MIIP: variants seen among roughly 807,000 people sequenced by gnomAD.
The protein encoded by MIIP is migration and invasion inhibitory protein.
A neutral mutation model predicts 44.8 loss-of-function variants in MIIP; 44 were observed. The observed-to-expected ratio is 0.98, with a 90% CI of 0.77 to 1.26. The LOEUF is 1.26. Among genes scored for constraint, MIIP ranks in the 50% most tolerant of loss-of-function variants. The probability of loss-of-function intolerance (pLI) is 0.00; values close to 1 mark genes in which losing one functional copy is unlikely to be tolerated. For missense variants in MIIP, 496 were observed against 511.7 expected, an observed-to-expected ratio of 0.97 and a Z score of 0.30; for synonymous variants, 225 against 218.3, an observed-to-expected ratio of 1.03 and a Z score of -0.27.
intron 1 of MIIP, 71 bp from the exon 2 acceptor site, chr1:12,021,573 GA>G (rs1639976270): frequency 1.5e-6 from 1 of 645,768 alleles, no homozygotes; most frequent in Admixed American, 2.5e-5. Context: ...TACAGTTAAA[GA>G]GTGTCGAATG....
intron 4 of MIIP, among the ~76,000 whole-genome samples, chr1:12,023,381 CTTATTTAT>C (rs71568382): frequency 0.061 from 8,610 of 140,092 alleles, 301 homozygotes; most frequent in African/African-American, 0.1. Context: ...TCTTTGTTTT[CTTATTTAT>C]TTATTTATTT....
intron 3 of MIIP, 43 bp from the exon 4 acceptor site, chr1:12,022,790 G>T (rs759315222): frequency 6.8e-7 from 1 of 1,478,114 alleles, no homozygotes; most frequent in Non-Finnish European, 9.3e-7. Context: ...TCTGGGCCAG[G>T]CCTCTTGGCT....
At chr1:12,026,331 A>G (rs912573363) in intron 4 of MIIP, among the ~76,000 whole-genome samples, 4 of 152,252 alleles carry the variant, frequency 2.6e-5, no homozygotes, top group Non-Finnish European at 5.9e-5. Flanking sequence ...TGTACTGTGG[A>G]GTTGCTGAGA....
rs917421569 is a variant in MIIP at position 12,019,570 on chromosome 1, G to C, written c.-83+18G>C. 5.9e-5 allele frequency: 9 copies of C among 152,668 alleles called. No homozygotes were observed. The highest frequency in any genetic ancestry group is 1.9e-4 in the African/African-American group (8 of 41,484). The allele number at this position is 152,668 out of a possible 1,614,324, so 9.5% of individuals were successfully genotyped here. Reference sequence around the variant, plus strand: ...TCTGCCGGGTGAGTGCTGGGCGGCAGGACTGGGGTGGGGCGGAAGGGCTCG... The same window carrying C: ...TCTGCCGGGTGAGTGCTGGGCGGCACGACTGGGGTGGGGCGGAAGGGCTCG... On this transcript the variant is annotated intron_variant, in intron 1 of 9. Coordinates refer to ENST00000235332, the MANE Select transcript of MIIP (RefSeq NM_021933.4).
At position 12,029,823 on chromosome 1, in the gene MIIP, C is replaced by T. The variant is rs772426039; in HGVS notation, c.774C>T (p.Thr258=). Residue 258 remains threonine (T), a synonymous_variant, in exon 7 of 10, where the codon ACC becomes ACT. Coordinates refer to ENST00000235332, the MANE Select transcript of MIIP (RefSeq NM_021933.4). ...RLFPVPVDPG[T]PCRLCRTPRD... ...TCCCGGTGCCTGTGGATCCCGGTAC[C>T]CCCTGCCGCCTGTGCAGGACACCGC... 55 of 1,613,136 alleles carry T rather than the reference C, an allele frequency of 3.4e-5. No homozygotes were observed. Among genetic ancestry groups the T allele is most frequent in the Non-Finnish European group, 6.8e-6 (8 of 1,179,664 alleles).
rs1234981094 is a variant in MIIP at position 12,031,864 on chromosome 1, G to A, written c.*56G>A. ...CGCCGCCTCCAGCCTCTCCCCTCTG[G>A]CAGGCGCACCCAGGAGATGGAATCC... On this transcript the variant is annotated 3_prime_UTR_variant, in exon 10 of 10. Transcript: ENST00000235332. The A allele has an allele frequency of 6.5e-7, 1 of 1,544,448 alleles. No homozygotes were observed. Among genetic ancestry groups the A allele is most frequent in the Non-Finnish European group, 8.9e-7 (1 of 1,123,154 alleles).
chr1:12,019,957 G>T (rs908448617), intron 1 of MIIP, among the ~76,000 whole-genome samples: 1 of 152,174 alleles, frequency 6.6e-6, no homozygotes, highest in South Asian at 2.1e-4. Flanking sequence ...GCATCTCCGT[G>T]CCCCCCGGCC....
At chr1:12,029,507 A>T (rs1399103268) in intron 6 of MIIP, 1 of 686,628 alleles carries the variant, frequency 1.5e-6, no homozygotes, top group African/African-American at 1.8e-5. Context: ...GTGTGGCACC[A>T]TCCCACCCTC....
rs745592384 is a variant in MIIP, at chr1:12,022,262, T to C, written c.282T>C (p.Ser94=). 1 of 1,613,496 alleles carries C rather than the reference T, an allele frequency of 6.2e-7. No individual in the cohort carries two copies. The highest frequency in any genetic ancestry group is 8.5e-7 in the Non-Finnish European group (1 of 1,179,858). The change falls in exon 3 of 10, where the codon TCT becomes TCC. Residue 94 remains serine (S), a synonymous_variant. Coordinates refer to ENST00000235332, the MANE Select transcript of MIIP (RefSeq NM_021933.4). ...ATGTGGCCAGATCGGGGGTGGCCTC[T>C]CTCCCACCTGCCAAATGCCAGCACC... ...LRDVARSGVA[S]LPPAKCQHQE...
At position 12,031,818 on chromosome 1, in the gene MIIP, C is replaced by T; in HGVS notation, c.*10C>T. On this transcript the variant is annotated 3_prime_UTR_variant, in exon 10 of 10. Coordinates refer to ENST00000235332, the MANE Select transcript of MIIP (RefSeq NM_021933.4). The stretch of plus-strand genomic sequence containing the variant: ...ACGGCAGAAGCCCTGAGGACTGACT[C>T]CTGGGGGAGAACAGCATTCCCGCCG... 9 of 1,612,484 alleles carry T rather than the reference C, an allele frequency of 5.6e-6. No homozygotes were observed. The highest frequency in any genetic ancestry group is 2.2e-5 in the South Asian group (2 of 91,008).
intron 4 of MIIP, among the ~76,000 whole-genome samples, chr1:12,025,155 G>C (rs531414580): frequency 6.6e-6 from 1 of 151,238 alleles, no homozygotes; most frequent in East Asian, 2.0e-4. Context: ...CACCTCCCGG[G>C]TTCGAGTGGT....
At chr1:12,030,557 T>TA (rs1491274964) in intron 8 of MIIP, among the ~76,000 whole-genome samples, 3 of 21,750 alleles carry the variant, frequency 1.4e-4, no homozygotes, top group Non-Finnish European at 4.3e-4. Context: ...CTGCTGCTGC[T>TA]TTTTTTTTTT....
In MIIP at chr1:12,031,914, C is replaced by G; in HGVS notation, c.*106C>G. 8.3e-7 allele frequency: 1 copy of G among 1,208,590 alleles called. No homozygotes were observed. The allele number at this position is 1,208,590 out of a possible 1,614,324, so 74.9% of individuals were successfully genotyped here. ...CCCTGCCCGCCCAGCTCAGGCCCAGCTGTCCTAGGTTGGGCAGGTGGGTGG... is the reference window on the plus strand; with the variant it reads ...CCCTGCCCGCCCAGCTCAGGCCCAGGTGTCCTAGGTTGGGCAGGTGGGTGG... On this transcript the variant is annotated 3_prime_UTR_variant, in exon 10 of 10. Transcript: ENST00000235332.
intron 2 of MIIP, 119 bp downstream of exon 2, chr1:12,021,959 G>A: frequency 1.6e-6 from 2 of 1,244,168 alleles, no homozygotes; most frequent in South Asian, 1.4e-5. Context: ...GACATTGAGG[G>A]CTGGGGAGGG....
intron 3 of MIIP, among the ~76,000 whole-genome samples, 159 bp downstream of exon 3, chr1:12,022,601 GT>G (rs1159541130): frequency 1.3e-5 from 2 of 152,132 alleles, no homozygotes; most frequent in Non-Finnish European, 2.9e-5. Flanking sequence ...TGCTCGCTAG[GT>G]GGTAGCTGTG....
rs1640255150 is a variant in MIIP at position 12,031,983 on chromosome 1, T to G, written c.*175T>G. ...CCTGAGTTCCAGAGAGGGAGGACCCTGGGGTGGAGGGTGAGGGATTCTGTG... is the reference window on the plus strand; with the variant it reads ...CCTGAGTTCCAGAGAGGGAGGACCCGGGGGTGGAGGGTGAGGGATTCTGTG... On this transcript the variant is annotated 3_prime_UTR_variant, in exon 10 of 10. Transcript: ENST00000235332. 3.2e-6 allele frequency: 2 copies of G among 633,408 alleles called. No individual in the cohort carries two copies. Among genetic ancestry groups the G allele is most frequent in the South Asian group, 1.9e-5 (1 of 51,552 alleles). 39.2% of individuals were successfully genotyped at this position (633,408 alleles called of 1,614,324 possible). A position where few individuals can be genotyped will look rare whatever the true frequency, so the allele number is the denominator to read the frequency against.
At chr1:12,029,354 C>A (rs1640175837) in intron 6 of MIIP, 73 bp downstream of exon 6, 52 of 1,492,434 alleles carry the variant, frequency 3.5e-5, no homozygotes, top group Non-Finnish European at 4.7e-5. Context: ...TGCCCCAGAG[C>A]AGTCCCATTT....
Position 12,030,008 on chromosome 1 carries a change from C to T in MIIP, c.846-20C>T, listed in dbSNP as rs1355266499. On this transcript the variant is annotated intron_variant, in intron 7 of 9. Coordinates refer to ENST00000235332, the MANE Select transcript of MIIP (RefSeq NM_021933.4). Reference sequence around the variant, plus strand: ...CCGCTGGGAGGCTCCTCAGGGGTCCCCCACTGCCCCCCTGCGCAGGGTGAG... The same window carrying T: ...CCGCTGGGAGGCTCCTCAGGGGTCCTCCACTGCCCCCCTGCGCAGGGTGAG... 6.2e-7 allele frequency: 1 copy of T among 1,610,894 alleles called. No individual in the cohort carries two copies.
chr1:12,031,343 C>G lies in MIIP; in HGVS notation c.1020C>G (p.Ser340=), dbSNP rs1387813356. The G allele has an allele frequency of 1.2e-6, 2 of 1,613,970 alleles. No individual in the cohort carries two copies. Among genetic ancestry groups the G allele is most frequent in the Non-Finnish European group, 1.7e-6 (2 of 1,179,932 alleles). ...SSAPRNLDLW[S]SVSAEAQHQK... is the part of the protein sequence containing the mutation. The stretch of plus-strand genomic sequence containing the variant: ...CCCCCAGGAACCTGGACCTCTGGTC[C>G]TCTGTCTCCGCTGAGGCCCAGCACC... The change falls in exon 9 of 10, where the codon TCC becomes TCG. Residue 340 remains serine, a synonymous_variant. Coordinates refer to ENST00000235332, the MANE Select transcript of MIIP (RefSeq NM_021933.4).
Sources: gnomAD v4.1 joint callset for allele counts (sites outside exome capture counted in the v4.1 genomes callset) on GRCh38, gnomAD v4.1.1 for gene constraint, MANE v1.5 for transcripts, NCBI Gene and HGNC (gene_info 2026-07-23, HGNC 2026-07-21) for gene names.